Variants in CYP2C18 observed in about 807,000 individuals in gnomAD.
CYP2C18 encodes the protein cytochrome P450 family 2 subfamily C member 18.
Under a neutral mutation model 41.3 loss-of-function variants are expected in CYP2C18, and 38 were observed. That is an observed-to-expected ratio of 0.92 (90% confidence interval 0.71 to 1.21). CYP2C18 has a LOEUF of 1.21. Among genes scored for constraint, CYP2C18 ranks in the 50% most tolerant of loss-of-function variants. The pLI is 0.00. For missense variants in CYP2C18, 635 were observed against 591.4 expected, an observed-to-expected ratio of 1.07 and a Z score of -0.77; for synonymous variants, 236 against 210.0, an observed-to-expected ratio of 1.12 and a Z score of -1.07.
intron 4 of CYP2C18, 124 bp downstream of exon 4, chr10:94,695,201 G>T (rs1847092772): frequency 6.0e-6 from 5 of 832,882 alleles, no homozygotes; most frequent in South Asian, 1.7e-5. Context: ...GGGCAGGTTT[G>T]TCACATGGGT....
Position 94,718,751 on chromosome 10 carries a change from A to G in CYP2C18, c.820-1645A>G, listed in dbSNP as rs74612465. 8.4e-3 allele frequency among the ~76,000 whole-genome samples: 1,279 copies of G among 152,220 alleles called. 22 individuals carry two copies. Among genetic ancestry groups the G allele is most frequent in the East Asian group, 0.061 (317 of 5,172 alleles). On this transcript the variant is annotated intron_variant, in intron 5 of 8. Transcript: ENST00000285979. ...CCTCTGGAAGTGCTTGTGCACTAAT[A>G]TAATACTGGTACTTTTTCCAGTGGT...
At chr10:94,720,566 G>A (rs866655731) in intron 6 of CYP2C18, 29 bp downstream of exon 6, 2 of 1,597,824 alleles carry the variant, frequency 1.3e-6, no homozygotes, top group Non-Finnish European at 1.7e-6. Flanking sequence ...TGAGCAGGGT[G>A]ATTTTCAGAA....
rs143246950 is a variant in CYP2C18, at chr10:94,696,181, G to A, written c.642+1104G>A. On this transcript the variant is annotated intron_variant, in intron 4 of 8. Coordinates refer to ENST00000285979, the MANE Select transcript of CYP2C18 (RefSeq NM_000772.3). ...GGAGATCTGAGAACGGACAGACTGC[G>A]TCTTAAGTGGGTCCCTGACCCCCCA... Among the ~76,000 whole-genome samples, 1,432 of 152,276 alleles carry A rather than the reference G, an allele frequency of 9.4e-3. 62 individuals are homozygous for A. Among genetic ancestry groups the A allele is most frequent in the Admixed American group, 0.082 (1,253 of 15,286 alleles).
In CYP2C18 at chr10:94,735,720, A is replaced by G. The variant is rs1379586768; in HGVS notation, c.*276A>G. The G allele has an allele frequency of 7.6e-6, 3 of 393,998 alleles. No homozygotes were observed. The highest frequency in any genetic ancestry group is 6.7e-5 in the South Asian group (1 of 14,946). The allele number at this position is 393,998 out of a possible 1,614,324, so 24.4% of individuals were successfully genotyped here. On this transcript the variant is annotated 3_prime_UTR_variant, in exon 9 of 9. Coordinates refer to ENST00000285979, the MANE Select transcript of CYP2C18 (RefSeq NM_000772.3). ...TCTACTGCTGAGTTGTCAGTATGTT[A>G]TCACTAGAAAACAAAGAAAAATGAT...
chr10:94,704,955 A>G (rs1847312531), intron 4 of CYP2C18, among the ~76,000 whole-genome samples: 1 of 152,100 alleles, frequency 6.6e-6, no homozygotes, highest in Non-Finnish European at 1.5e-5. Context: ...AACAAAGATG[A>G]CTGCCTCGTG....
intron 3 of CYP2C18, among the ~76,000 whole-genome samples, chr10:94,694,416 T>A (rs1311962815): frequency 3.3e-5 from 5 of 152,172 alleles, no homozygotes; most frequent in Admixed American, 2.6e-4. Context: ...CAACCTGAAT[T>A]TTCCCATACC....
chr10:94,717,234 C>G (rs7894712), intron 5 of CYP2C18, among the ~76,000 whole-genome samples: 3 of 152,084 alleles, frequency 2.0e-5, no homozygotes, highest in Non-Finnish European at 4.4e-5. Flanking sequence ...ATGATGTTAG[C>G]TGGTTATTTT....
chr10:94,702,412 C>T (rs1847263240), intron 4 of CYP2C18, among the ~76,000 whole-genome samples: 1 of 152,072 alleles, frequency 6.6e-6, no homozygotes, highest in Non-Finnish European at 1.5e-5. Context: ...TCCCATATTT[C>T]CTGGAGGCTT....
chr10:94,700,750 C>G (rs918307789), intron 4 of CYP2C18, among the ~76,000 whole-genome samples: 3 of 152,162 alleles, frequency 2.0e-5, no homozygotes, highest in Non-Finnish European at 2.9e-5. Context: ...TATCCAGAAT[C>G]TACAATGAAC....
rs778823903 is a variant in CYP2C18, at chr10:94,724,577, C to T, written c.1149+44C>T. On this transcript the variant is annotated intron_variant, in intron 7 of 8. Coordinates refer to ENST00000285979, the MANE Select transcript of CYP2C18 (RefSeq NM_000772.3). Reference sequence around the variant, plus strand: ...CACTACATCTCCATGCTCTTCAAGTCCCCAAATTCATAGTATAGTCCCAAT... The same window carrying T: ...CACTACATCTCCATGCTCTTCAAGTTCCCAAATTCATAGTATAGTCCCAAT... 1.8e-5 allele frequency: 28 copies of T among 1,548,432 alleles called. No individual in the cohort carries two copies. The Admixed American group carries it at 2.7e-4, about 15-fold the overall frequency.
At chr10:94,719,582 AT>A (rs1246341806) in intron 5 of CYP2C18, among the ~76,000 whole-genome samples, 77 of 143,536 alleles carry the variant, frequency 5.4e-4, no homozygotes, top group Admixed American at 6.9e-4. Context: ...TTTGATTTTT[AT>A]TTTTTTTTTT....
At chr10:94,691,712 C>T (rs1254149118) in intron 3 of CYP2C18, among the ~76,000 whole-genome samples, 3 of 152,134 alleles carry the variant, frequency 2.0e-5, no homozygotes, top group South Asian at 2.1e-4. Context: ...GCCCGCATTG[C>T]CAAGTCAATC....
At chr10:94,730,098 T>C (rs1847802842) in intron 7 of CYP2C18, among the ~76,000 whole-genome samples, 1 of 152,162 alleles carries the variant, frequency 6.6e-6, no homozygotes, top group Non-Finnish European at 1.5e-5. Context: ...AAGAGTTGGA[T>C]TTTTCTCTTC....
Position 94,735,426 on chromosome 10 carries a change from C to G in CYP2C18, c.1455C>G (p.Leu485=), listed in dbSNP as rs1230855078. The change falls in exon 9 of 9, where the codon CTC becomes CTG. Residue 485 remains leucine, a synonymous_variant. Transcript: ENST00000285979. The part of the protein sequence containing the change: ...AFGRVPPLYQ[L]CFIPV The stretch of plus-strand genomic sequence containing the variant: ...GTCGTGTGCCACCCTTGTACCAGCT[C>G]TGCTTCATTCCTGTCTGAAGAAGGG... 5 of 1,613,574 alleles carry G rather than the reference C, an allele frequency of 3.1e-6. No individual in the cohort carries two copies. The highest frequency in any genetic ancestry group is 4.2e-6 in the Non-Finnish European group (5 of 1,179,604).
chr10:94,688,366 G>A, intron 3 of CYP2C18, 92 bp downstream of exon 3: 1 of 1,427,190 alleles, frequency 7.0e-7, no homozygotes, highest in East Asian at 2.5e-5. Context: ...CATATTTATG[G>A]GGTACATGTA....
In CYP2C18 at chr10:94,716,084, A is replaced by G. The variant is rs186024974; in HGVS notation, c.820-4312A>G. On this transcript the variant is annotated intron_variant, in intron 5 of 8. Transcript: ENST00000285979. ...TTGATTTTTCTCTCTTTTCTTCTTT[A>G]TTAGTCTTGCTAGTGGTCTATCAAT... is the stretch of plus-strand genomic sequence containing the variant. Among the ~76,000 whole-genome samples, 100 of 151,456 alleles carry G rather than the reference A, an allele frequency of 6.6e-4. No individual in the cohort carries two copies. In the East Asian group the frequency reaches 0.018, roughly 27 times the overall value.
At chr10:94,684,736 TCTG>T (rs1846852796) in intron 1 of CYP2C18, among the ~76,000 whole-genome samples, 1 of 152,156 alleles carries the variant, frequency 6.6e-6, no homozygotes, top group Admixed American at 6.5e-5. Context: ...TGCTGGATCA[TCTG>T]ATAGTTCTAT....
chr10:94,712,806 A>G (rs1363745409), intron 5 of CYP2C18, among the ~76,000 whole-genome samples: 1 of 152,210 alleles, frequency 6.6e-6, no homozygotes, highest in South Asian at 2.1e-4. Flanking sequence ...ATTCCCATCA[A>G]CAGTACACAA....
intron 4 of CYP2C18, among the ~76,000 whole-genome samples, chr10:94,697,492 G>A (rs1300753120): frequency 1.3e-5 from 2 of 152,162 alleles, no homozygotes; most frequent in African/African-American, 4.8e-5. Context: ...ACTAAACATG[G>A]AAAGGAACAA....
Sources: gnomAD v4.1 joint callset for allele counts (sites outside exome capture counted in the v4.1 genomes callset) on GRCh38, gnomAD v4.1.1 for gene constraint, MANE v1.5 for transcripts, NCBI Gene and HGNC (gene_info 2026-07-23, HGNC 2026-07-21) for gene names.